TBPL2: variants seen among roughly 807,000 people sequenced by gnomAD.
The protein encoded by TBPL2 is TATA-box binding protein like 2.
In TBPL2, 40 loss-of-function variants were observed where a neutral mutation model predicts 38.2. The ratio of observed to expected loss-of-function variants is 1.05; its 90% CI spans 0.81 to 1.36. The LOEUF is 1.36. TBPL2 is among the 40% of genes most tolerant of loss of function. The probability of loss-of-function intolerance (pLI) is 0.00; values close to 1 mark genes in which losing one functional copy is unlikely to be tolerated. For missense variants in TBPL2, 461 were observed against 456.7 expected (o/e 1.01, Z -0.09); for synonymous variants, 169 against 171.7 (o/e 0.98, Z 0.12).
At chr14:55,433,307 C>CT (rs1482307421) in intron 4 of TBPL2, among the ~76,000 whole-genome samples, 1 of 103,872 alleles carries the variant, frequency 9.6e-6, no homozygotes, top group African/African-American at 4.1e-5. Flanking sequence ...TTTTAGATTT[C>CT]TCTTTTTTTT....
At chr14:55,428,965 C>T in exon 5 of TBPL2, 1 of 1,614,064 alleles carries the variant, frequency 6.2e-7, no homozygotes, top group Non-Finnish European at 8.5e-7. Flanking sequence ...CAAGTCGAGA[C>T]TGCTCTTCAC....
At chr14:55,439,490 C>T (rs1395317138) in intron 1 of TBPL2, among the ~76,000 whole-genome samples, 1 of 115,244 alleles carries the variant, frequency 8.7e-6, no homozygotes, top group Non-Finnish European at 1.8e-5. Context: ...TGTGCATGTC[C>T]TTTAGAACCA....
chr14:55,435,819 T>G (rs1419419208), intron 3 of TBPL2, 28 bp downstream of exon 3: 3 of 1,395,496 alleles, frequency 2.1e-6, no homozygotes, highest in African/African-American at 1.5e-5. Context: ...AGAAGCTAAT[T>G]ATTGGAAGGA....
chr14:55,420,375 GAA>G (rs964475836), intron 6 of TBPL2, among the ~76,000 whole-genome samples: 1 of 152,196 alleles, frequency 6.6e-6, no homozygotes, highest in Non-Finnish European at 1.5e-5. Context: ...ATTTGCGGGT[GAA>G]AAGAGTCTAG....
chr14:55,424,290 C>G (rs770380003), intron 5 of TBPL2, 37 bp from the exon 6 acceptor site: 6 of 1,359,062 alleles, frequency 4.4e-6, no homozygotes, highest in Non-Finnish European at 6.3e-6. Context: ...AAAAATAGCA[C>G]TATTCAGCTC....
chr14:55,418,505 T>C (rs1594789066), intron 6 of TBPL2, among the ~76,000 whole-genome samples: 1 of 152,326 alleles, frequency 6.6e-6, no homozygotes, highest in East Asian at 1.9e-4. Flanking sequence ...AAGTTATTCA[T>C]TTTATGACAT....
chr14:55,436,936 T>C (rs1187696145), exon 2 of TBPL2: 2 of 1,614,208 alleles, frequency 1.2e-6, no homozygotes, highest in Non-Finnish European at 1.7e-6. Flanking sequence ...AAATGCAGTA[T>C]CCGGATTGGA....
chr14:55,439,584 A>G (rs184328402), intron 1 of TBPL2, among the ~76,000 whole-genome samples: 2 of 141,828 alleles, frequency 1.4e-5, no homozygotes, highest in South Asian at 2.4e-4. Flanking sequence ...TGAGGTCAAG[A>G]GTTCAACACC....
chr14:55,433,023 A>G (rs527884216), intron 4 of TBPL2, among the ~76,000 whole-genome samples: 1 of 152,322 alleles, frequency 6.6e-6, no homozygotes, highest in South Asian at 2.1e-4. Context: ...ACACTTCATC[A>G]TTACTGTAAC....
chr14:55,436,224 C>G (rs1226497350), intron 2 of TBPL2, among the ~76,000 whole-genome samples: 1 of 152,154 alleles, frequency 6.6e-6, no homozygotes, highest in Non-Finnish European at 1.5e-5. Context: ...ATTTGCAAAT[C>G]AAACTCAATT....
chr14:55,420,710 C>A (rs2140165901), intron 6 of TBPL2, among the ~76,000 whole-genome samples: 1 of 147,684 alleles, frequency 6.8e-6, no homozygotes, highest in Non-Finnish European at 1.5e-5. Flanking sequence ...TATTTAGTAA[C>A]AATCCTTTAC....
At position 55,424,348 on chromosome 14, in the gene TBPL2, C is replaced by A. The variant is rs115854506; in HGVS notation, c.957-95G>T. 2,957 of 738,008 alleles carry A rather than the reference C, an allele frequency of 4.0e-3. 19 individuals are homozygous for A. The highest frequency in any genetic ancestry group is 0.022 in the African/African-American group (1,260 of 56,908). 45.7% of individuals were successfully genotyped at this position (738,008 alleles called of 1,614,324 possible). A position where few individuals can be genotyped will look rare whatever the true frequency, so the allele number is the denominator to read the frequency against. ...CAGTATATTAAAGTGCATATTAAAGCAGTTGTAAATAAGTTAGCTATTTTA... is the reference window on the plus strand; with the variant it reads ...CAGTATATTAAAGTGCATATTAAAGAAGTTGTAAATAAGTTAGCTATTTTA... On this transcript the variant is annotated intron_variant, in intron 5 of 6. Transcript: ENST00000247219.
intron 6 of TBPL2, among the ~76,000 whole-genome samples, chr14:55,419,951 T>C (rs1885717745): frequency 6.6e-6 from 1 of 152,238 alleles, no homozygotes; most frequent in South Asian, 2.1e-4. Context: ...AGTTGTGCCA[T>C]GCTGCACTAG....
intron 3 of TBPL2, among the ~76,000 whole-genome samples, chr14:55,435,309 G>A (rs972905896): frequency 9.6e-5 from 14 of 146,286 alleles, no homozygotes; most frequent in Non-Finnish European, 1.3e-4. Context: ...ACGGAGTCTC[G>A]CTGTTACCCA....
chr14:55,440,454 C>G (rs8019270), exon 1 of TBPL2: 967,180 of 1,612,074 alleles, frequency 0.6, 293,139 homozygotes, highest in African/African-American at 0.78. Flanking sequence ...CTCCATGGAC[C>G]GTAATCCCAC....
chr14:55,428,119 C>CTTTTTTTTT (rs567342581), intron 5 of TBPL2, among the ~76,000 whole-genome samples: 1,489 of 43,364 alleles, frequency 0.034, 557 homozygotes, highest in East Asian at 0.048. Flanking sequence ...CATGCCTTAT[C>CTTTTTTTTT]TTTTTTTTTT....
At chr14:55,426,904 G>A (rs1885834031) in intron 5 of TBPL2, among the ~76,000 whole-genome samples, 1 of 152,098 alleles carries the variant, frequency 6.6e-6, no homozygotes, top group African/African-American at 2.4e-5. Flanking sequence ...CAAGGAAGAT[G>A]CTGGTGAAAA....
In TBPL2 at chr14:55,433,604, AG is replaced by A. The variant is rs760660616; in HGVS notation, c.788+25del. 3.1e-6 allele frequency: 5 copies of A among 1,587,784 alleles called. No homozygotes were observed. The Admixed American group carries it at 8.4e-5, about 27-fold the overall frequency. ...TTACATACTAAATTGTTTCTCTGGT[AG>A]GGGTGGAGGGATGATTCCTCATACC... On this transcript the variant is annotated intron_variant, in intron 4 of 6. Coordinates refer to ENST00000247219, the Ensembl canonical transcript of TBPL2.
Position 55,428,916 on chromosome 14 carries a change from A to AC in TBPL2, c.846dup (p.Phe283ValfsTer9). 1 of 1,614,114 alleles carries AC rather than the reference A, an allele frequency of 6.2e-7. No individual in the cohort carries two copies. The highest frequency in any genetic ancestry group is 8.5e-7 in the Non-Finnish European group (1 of 1,179,986). ...TTAAAATCGAGGAATCTGGCAGGGA[A>AC]CCCAAGCTTCTGCACCACACGAGCA... On this transcript the variant is annotated frameshift_variant, in exon 5 of 7. Coordinates refer to ENST00000247219, the Ensembl canonical transcript of TBPL2. LOFTEE classifies it high-confidence loss of function.
Sources: allele counts gnomAD v4.1 joint callset (sites outside exome capture counted in the v4.1 genomes callset), GRCh38; gene constraint gnomAD v4.1.1; transcripts MANE v1.5; gene names NCBI Gene and HGNC (gene_info 2026-07-23, HGNC 2026-07-21).